The following TTLL13 variants were observed in gnomAD, a reference collection of about 807,000 sequenced individuals.
TTLL13 encodes tubulin tyrosine ligase like 13.
At chr15:90,265,299 A>T in the TTLL13 span, 2 of 1,213,042 alleles carry the variant, frequency 1.6e-6, no homozygotes, top group Non-Finnish European at 2.1e-6. Flanking sequence ...GGAGACAATG[A>T]GCCCCTTTCC....
chr15:90,255,988 T>C, the TTLL13 span: 1 of 1,580,322 alleles, frequency 6.3e-7, no homozygotes, highest in East Asian at 2.2e-5. Flanking sequence ...GGGATGGAAG[T>C]GGAATGAGAA....
chr15:90,257,511 C>A, the TTLL13 span: 1 of 1,020,002 alleles, frequency 9.8e-7, no homozygotes, highest in Non-Finnish European at 1.4e-6. Flanking sequence ...GAATAGCAGT[C>A]CTCTGGTGGA....
At chr15:90,263,869 G>T in the TTLL13 span, 4 of 979,146 alleles carry the variant, frequency 4.1e-6, no homozygotes, top group Admixed American at 6.0e-5. Flanking sequence ...TCTGCCCCAT[G>T]AATCAATCCC....
At chr15:90,251,715 C>G in the TTLL13 span, 1 of 1,023,478 alleles carries the variant, frequency 9.8e-7, no homozygotes, top group Non-Finnish European at 1.5e-6. Flanking sequence ...GGGCTTGCCT[C>G]TAACCTGTAC....
chr15:90,250,918 C>G, the TTLL13 span: 1 of 1,607,612 alleles, frequency 6.2e-7, no homozygotes, highest in South Asian at 1.1e-5. Flanking sequence ...CTCAACTGCC[C>G]AGCTCCAGGG....
At chr15:90,250,318 GC>G in the TTLL13 span, among the ~76,000 whole-genome samples, 1 of 152,234 alleles carries the variant, frequency 6.6e-6, no homozygotes, top group East Asian at 1.9e-4. Flanking sequence ...CATGGTCATG[GC>G]CCATACCATC....
chr15:90,262,382 G>C, the TTLL13 span: 1 of 1,258,794 alleles, frequency 7.9e-7, no homozygotes, highest in Non-Finnish European at 1.1e-6. Flanking sequence ...TCTCGCATCA[G>C]TCCTAAGAAC....
chr15:90,250,885 C>A, the TTLL13 span: 115 of 1,613,414 alleles, frequency 7.1e-5, no homozygotes, highest in Non-Finnish European at 9.7e-5. Context: ...GGCGGAAACG[C>A]AGGTAACTAT....
At chr15:90,253,117 G>A in the TTLL13 span, 1 of 590,582 alleles carries the variant, frequency 1.7e-6, no homozygotes, top group Non-Finnish European at 3.0e-6. Context: ...AAAGTACAGG[G>A]CTGAGGCAAG....
chr15:90,265,326 C>G, the TTLL13 span: 3 of 1,221,600 alleles, frequency 2.5e-6, no homozygotes, highest in Non-Finnish European at 3.1e-6. Context: ...AGCCGAGTGC[C>G]CAAGGCACTG....
the TTLL13 span, chr15:90,257,926 C>A: frequency 1.8e-6 from 2 of 1,090,076 alleles, no homozygotes; most frequent in Non-Finnish European, 2.7e-6. Context: ...AAACTGCTAG[C>A]AGCCCTTCAA....
the TTLL13 span, chr15:90,251,696 G>A: frequency 1.4e-4 from 183 of 1,341,922 alleles, no homozygotes; most frequent in Non-Finnish European, 1.8e-4. Flanking sequence ...CCAGCCCCTG[G>A]GGCCTGGCGG....
chr15:90,252,785 C>A, the TTLL13 span, among the ~76,000 whole-genome samples: 23 of 152,246 alleles, frequency 1.5e-4, no homozygotes, highest in African/African-American at 5.3e-4. Context: ...GGCGAATCTC[C>A]TGAGGTCAGG....
the TTLL13 span, chr15:90,257,567 A>G: frequency 7.1e-7 from 1 of 1,415,206 alleles, no homozygotes; most frequent in Non-Finnish European, 9.9e-7. Context: ...GGGAGCAACA[A>G]GGTAATGAAG....
the TTLL13 span, chr15:90,258,778 C>G: frequency 1.2e-6 from 2 of 1,614,164 alleles, no homozygotes; most frequent in Admixed American, 1.7e-5. Context: ...CGGACTCATG[C>G]CTTGATCAAG....
chr15:90,265,273 G>C, the TTLL13 span: 1 of 1,253,124 alleles, frequency 8.0e-7, no homozygotes, highest in Non-Finnish European at 1.0e-6. Context: ...TGCGGCCCGG[G>C]GCTGGAGGCC....
the TTLL13 span, chr15:90,264,647 CCA>C: frequency 1.3e-6 from 2 of 1,491,658 alleles, no homozygotes; most frequent in Non-Finnish European, 1.8e-6. Context: ...GGTAATTGGG[CCA>C]CAGTTGGGAA....
chr15:90,256,035 G>C, the TTLL13 span: 10 of 1,552,440 alleles, frequency 6.4e-6, no homozygotes, highest in African/African-American at 1.4e-5. Context: ...GTCTGAGACT[G>C]AGTGCTCCAG....
At chr15:90,265,213 A>G in the TTLL13 span, 1 of 1,354,196 alleles carries the variant, frequency 7.4e-7, no homozygotes, top group Non-Finnish European at 9.5e-7. Flanking sequence ...ATTTCTGCTC[A>G]TCAAGCCTTA....
Sources: allele counts gnomAD v4.1 joint callset (sites outside exome capture counted in the v4.1 genomes callset), GRCh38; gene constraint gnomAD v4.1.1; transcripts MANE v1.5; gene names NCBI Gene and HGNC (gene_info 2026-07-23, HGNC 2026-07-21).